VWC2L: variants seen among roughly 807,000 people sequenced by gnomAD.
VWC2L encodes von Willebrand factor C domain containing 2 like.
Under a neutral mutation model 21.6 loss-of-function variants are expected in VWC2L, and 10 were observed. That is an observed-to-expected ratio of 0.46 (90% CI 0.29 to 0.78). VWC2L has a LOEUF of 0.78. Among genes scored for constraint, VWC2L ranks in the 30% least tolerant of loss-of-function variants. The pLI, the probability that VWC2L is intolerant of heterozygous loss-of-function variation, is 0.10. For synonymous variants in VWC2L, 96 were observed against 94.3 expected (o/e 1.02, Z -0.10); for missense variants, 209 against 277.1 (o/e 0.75, Z 1.74).
chr2:214,426,923 T>G (rs574137960), intron 2 of VWC2L, among the ~76,000 whole-genome samples: 1 of 152,340 alleles, frequency 6.6e-6, no homozygotes, highest in Admixed American at 6.5e-5. Flanking sequence ...TTATAGGGCT[T>G]GACTGGTTTC....
intron 3 of VWC2L, among the ~76,000 whole-genome samples, chr2:214,562,279 T>A (rs1387981480): frequency 6.6e-6 from 1 of 152,192 alleles, no homozygotes; most frequent in Non-Finnish European, 1.5e-5. Context: ...TTGCTGAGGA[T>A]AATGGCTTCC....
intron 3 of VWC2L, among the ~76,000 whole-genome samples, chr2:214,461,331 C>T (rs549019375): frequency 6.6e-6 from 1 of 152,230 alleles, no homozygotes; most frequent in African/African-American, 2.4e-5. Context: ...GTGGCATAGG[C>T]AATGGCAGTA....
intron 3 of VWC2L, among the ~76,000 whole-genome samples, chr2:214,479,355 TCTCC>T (rs201611875): frequency 0.019 from 2,829 of 152,304 alleles, 60 homozygotes; most frequent in African/African-American, 0.056. Context: ...CTTCATTTAT[TCTCC>T]CTATTTATCT....
chr2:214,435,185 G>A (rs892635364), intron 2 of VWC2L, among the ~76,000 whole-genome samples: 18 of 152,196 alleles, frequency 1.2e-4, no homozygotes, highest in South Asian at 2.1e-4. Flanking sequence ...TGTACTGTAC[G>A]TTCTAATCTT....
At chr2:214,557,837 C>T (rs1689897622) in intron 3 of VWC2L, among the ~76,000 whole-genome samples, 1 of 152,170 alleles carries the variant, frequency 6.6e-6, no homozygotes, top group Admixed American at 6.5e-5. Flanking sequence ...GTCTCCCTAG[C>T]CATTCTCTTT....
chr2:214,542,021 C>G (rs9653260), intron 3 of VWC2L, among the ~76,000 whole-genome samples: 150,244 of 152,190 alleles, frequency 0.99, 74,195 homozygotes, highest in East Asian at 1. Flanking sequence ...TTTTTGATCA[C>G]GTGGATGAGG....
chr2:214,571,869 C>G (rs1690154786), intron 3 of VWC2L, among the ~76,000 whole-genome samples: 1 of 152,172 alleles, frequency 6.6e-6, no homozygotes, highest in Non-Finnish European at 1.5e-5. Context: ...TCACTGCAGC[C>G]TCGACCTCCT....
At chr2:214,548,555 T>C (rs887137721) in intron 3 of VWC2L, among the ~76,000 whole-genome samples, 1 of 152,196 alleles carries the variant, frequency 6.6e-6, no homozygotes, top group Admixed American at 6.5e-5. Flanking sequence ...TCTGAGAGCA[T>C]GGAAGCATCC....
chr2:214,482,158 A>G (rs1421862786), intron 3 of VWC2L, among the ~76,000 whole-genome samples: 1 of 152,204 alleles, frequency 6.6e-6, no homozygotes, highest in African/African-American at 2.4e-5. Flanking sequence ...CAATAGGTCT[A>G]AAAACCAAAT....
intron 3 of VWC2L, among the ~76,000 whole-genome samples, chr2:214,511,621 C>CTAGATTT (rs1689054455): frequency 6.6e-6 from 1 of 152,114 alleles, no homozygotes; most frequent in African/African-American, 2.4e-5. Flanking sequence ...TCTTGAACTT[C>CTAGATTT]CCAGTTTCTA....
rs570175776 is a variant in VWC2L at position 214,569,171 on chromosome 2, G to A, written c.521-6501G>A. Reference sequence around the variant, plus strand: ...TTTTCATTACCATCACACAGTTCCAGGGCCTGTGAGGGCTCTAGTCTTTGT... The same window carrying A: ...TTTTCATTACCATCACACAGTTCCAAGGCCTGTGAGGGCTCTAGTCTTTGT... On this transcript the variant is annotated intron_variant, in intron 3 of 3. Coordinates refer to ENST00000312504, the MANE Select transcript of VWC2L (RefSeq NM_001080500.4). Among the ~76,000 whole-genome samples, 3 of 152,234 alleles carry A rather than the reference G, an allele frequency of 2.0e-5. No homozygotes were observed. In the East Asian group the frequency reaches 5.8e-4, roughly 29 times the overall value.
intron 3 of VWC2L, among the ~76,000 whole-genome samples, chr2:214,438,806 A>C (rs1238603859): frequency 1.3e-5 from 2 of 152,034 alleles, no homozygotes; most frequent in African/African-American, 4.8e-5. Flanking sequence ...TAATGAATAG[A>C]CTTTACTTGT....
chr2:214,424,090 C>T (rs1288433219), intron 2 of VWC2L, among the ~76,000 whole-genome samples: 2 of 152,058 alleles, frequency 1.3e-5, no homozygotes, highest in Non-Finnish European at 2.9e-5. Context: ...ATTCAGATTC[C>T]TTGACCTTTC....
chr2:214,437,054 G>A (rs1702689070), intron 3 of VWC2L, among the ~76,000 whole-genome samples: 1 of 152,050 alleles, frequency 6.6e-6, no homozygotes, highest in Non-Finnish European at 1.5e-5. Context: ...CCATCCTTTT[G>A]TAGTGACTGC....
intron 3 of VWC2L, among the ~76,000 whole-genome samples, chr2:214,463,653 G>T (rs554001493): frequency 1.3e-5 from 2 of 151,880 alleles, no homozygotes; most frequent in Non-Finnish European, 1.5e-5. Context: ...ACTGAATATT[G>T]TATGATTCTA....
chr2:214,522,759 T>C (rs1245873205), intron 3 of VWC2L, among the ~76,000 whole-genome samples: 1 of 152,190 alleles, frequency 6.6e-6, no homozygotes, highest in African/African-American at 2.4e-5. Context: ...ATATTTGCAA[T>C]AGATGAATAC....
intron 3 of VWC2L, among the ~76,000 whole-genome samples, chr2:214,482,560 T>G (rs577524984): frequency 6.0e-5 from 9 of 151,156 alleles, no homozygotes; most frequent in African/African-American, 2.2e-4. Context: ...CACATATATA[T>G]ATATATCTCT....
intron 3 of VWC2L, among the ~76,000 whole-genome samples, chr2:214,529,117 A>T (rs62199887): frequency 0.33 from 50,894 of 152,046 alleles, 10,253 homozygotes; most frequent in South Asian, 0.48. Context: ...CAAAACCAGG[A>T]TCTGAAACCA....
At position 214,567,573 on chromosome 2, in the gene VWC2L, C is replaced by CAG. The variant is rs1191168160; in HGVS notation, c.521-8098_521-8097insGA. Among the ~76,000 whole-genome samples, 543 of 141,910 alleles carry CAG rather than the reference C, an allele frequency of 3.8e-3. 8 individuals carry two copies. The highest frequency in any genetic ancestry group is 0.014 in the African/African-American group (502 of 36,268). The allele number at this position is 141,910 out of a possible 152,430, so 93.1% of individuals were successfully genotyped here. A position where few individuals can be genotyped will look rare whatever the true frequency, so the allele number is the denominator to read the frequency against. ...ACACACACACACACACACACACACA[C>CAG]ACACACACACACACACACACACAGA... On this transcript the variant is annotated intron_variant, in intron 3 of 3. Transcript: ENST00000312504.
Sources: gnomAD v4.1 joint callset for allele counts (sites outside exome capture counted in the v4.1 genomes callset) on GRCh38, gnomAD v4.1.1 for gene constraint, MANE v1.5 for transcripts, NCBI Gene and HGNC (gene_info 2026-07-23, HGNC 2026-07-21) for gene names.